Variants in SLC35F1 observed in about 807,000 individuals in gnomAD.
The protein encoded by SLC35F1 is solute carrier family 35 member F1.
Under a neutral mutation model 48.7 loss-of-function variants are expected in SLC35F1, and 14 were observed. The ratio of observed to expected loss-of-function variants is 0.29; its 90% CI spans 0.19 to 0.45. SLC35F1 has a LOEUF of 0.45. Ranked by LOEUF, SLC35F1 falls within the 20% of genes least tolerant of loss-of-function variation. The probability of loss-of-function intolerance (pLI) is 1.00; values close to 1 mark genes in which losing one functional copy is unlikely to be tolerated. For synonymous variants in SLC35F1, 190 were observed against 202.2 expected (o/e 0.94, Z 0.51); for missense variants, 404 against 500.0 (o/e 0.81, Z 1.83).
chr6:118,278,874 C>T (rs1275459633), intron 6 of SLC35F1, among the ~76,000 whole-genome samples: 1 of 152,206 alleles, frequency 6.6e-6, no homozygotes, highest in Non-Finnish European at 1.5e-5. Flanking sequence ...TGTCCTCAAA[C>T]TATGTGGATG....
intron 2 of SLC35F1, among the ~76,000 whole-genome samples, chr6:118,177,731 T>C (rs1185537197): frequency 6.6e-6 from 1 of 152,176 alleles, no homozygotes; most frequent in African/African-American, 2.4e-5. Flanking sequence ...AATTTTCCTC[T>C]GTTATAGTTC....
At chr6:117,914,852 C>T (rs1163828255) in intron 1 of SLC35F1, among the ~76,000 whole-genome samples, 1 of 151,908 alleles carries the variant, frequency 6.6e-6, no homozygotes, top group Admixed American at 6.5e-5. Context: ...ATTCAAGAAG[C>T]AGACCTTTTT....
chr6:118,044,792 G>T (rs968754579), intron 1 of SLC35F1, among the ~76,000 whole-genome samples: 1 of 152,006 alleles, frequency 6.6e-6, no homozygotes, highest in African/African-American at 2.4e-5. Context: ...TGTCCTCTTG[G>T]ATCCAACTGA....
intron 1 of SLC35F1, among the ~76,000 whole-genome samples, chr6:117,935,160 G>A (rs1776149000): frequency 6.6e-6 from 1 of 152,066 alleles, no homozygotes. Context: ...AATAACTTAT[G>A]CACAAATTCT....
At chr6:118,004,869 G>A (rs962758774) in intron 1 of SLC35F1, among the ~76,000 whole-genome samples, 4 of 151,676 alleles carry the variant, frequency 2.6e-5, no homozygotes, top group African/African-American at 9.7e-5. Context: ...TACTTATTGA[G>A]TGTCTGTTAG....
chr6:118,268,749 A>T (rs377423861), intron 4 of SLC35F1, among the ~76,000 whole-genome samples: 1 of 151,418 alleles, frequency 6.6e-6, no homozygotes, highest in South Asian at 2.1e-4. Context: ...AGCTGGGATT[A>T]CAGGCACCTG....
At chr6:118,272,979 C>T (rs1357558520) in intron 4 of SLC35F1, among the ~76,000 whole-genome samples, 3 of 148,594 alleles carry the variant, frequency 2.0e-5, no homozygotes, top group African/African-American at 7.7e-5. Flanking sequence ...GTTTAATTAA[C>T]TAAATTTTAA....
At chr6:117,926,652 G>T (rs887037491) in intron 1 of SLC35F1, among the ~76,000 whole-genome samples, 15 of 152,118 alleles carry the variant, frequency 9.9e-5, no homozygotes, top group African/African-American at 3.6e-4. Context: ...AATGAAACAG[G>T]TTCAGATGGC....
At chr6:117,991,993 T>G (rs1384393724) in intron 1 of SLC35F1, among the ~76,000 whole-genome samples, 2 of 152,110 alleles carry the variant, frequency 1.3e-5, no homozygotes, top group Non-Finnish European at 2.9e-5. Flanking sequence ...TTCTCTGTTT[T>G]TCTTTGCCTT....
chr6:117,982,114 T>C (rs1225027221), intron 1 of SLC35F1, among the ~76,000 whole-genome samples: 3 of 152,246 alleles, frequency 2.0e-5, no homozygotes, highest in African/African-American at 7.2e-5. Flanking sequence ...GTCAAACTTA[T>C]ATTTAAAATA....
intron 7 of SLC35F1, among the ~76,000 whole-genome samples, chr6:118,302,388 T>G (rs1470389524): frequency 6.6e-6 from 1 of 152,170 alleles, no homozygotes; most frequent in East Asian, 1.9e-4. Context: ...GAAGTAACAA[T>G]AATATTATCA....
chr6:118,060,896 G>T (rs560794184), intron 1 of SLC35F1, among the ~76,000 whole-genome samples: 1 of 152,302 alleles, frequency 6.6e-6, no homozygotes, highest in South Asian at 2.1e-4. Context: ...GTAGATCCAG[G>T]AGTAAAGCCA....
rs537083421 is a variant in SLC35F1, at chr6:117,939,812, T to C, written c.173+31913T>C. Among the ~76,000 whole-genome samples, 3 of 152,170 alleles carry C rather than the reference T, an allele frequency of 2.0e-5. No individual in the cohort carries two copies. The South Asian group carries it at 6.2e-4, about 32-fold the overall frequency. ...CTCCTTTTAAATTAGCCCAGAGAGG[T>C]AGGACCAAGCAAGTGGAGTGGGGAC... On this transcript the variant is annotated intron_variant, in intron 1 of 7. Coordinates refer to ENST00000360388, the MANE Select transcript of SLC35F1 (RefSeq NM_001029858.4).
intron 1 of SLC35F1, among the ~76,000 whole-genome samples, chr6:118,115,997 G>A (rs907677024): frequency 1.3e-5 from 2 of 152,182 alleles, no homozygotes; most frequent in African/African-American, 4.8e-5. Flanking sequence ...TCTGTTCGAA[G>A]TCCATGGAAA....
chr6:117,944,563 C>G (rs902811811), intron 1 of SLC35F1, among the ~76,000 whole-genome samples: 3 of 145,426 alleles, frequency 2.1e-5, no homozygotes, highest in Non-Finnish European at 4.5e-5. Context: ...TTTTTGAGAT[C>G]CCCCTCTCCC....
rs148604878 is a variant in SLC35F1, at chr6:118,233,515, A to G, written c.350-1994A>G. Among the ~76,000 whole-genome samples the G allele has an allele frequency of 5.1e-3, 783 of 152,332 alleles. 12 individuals carry two copies. The highest frequency in any genetic ancestry group is 0.018 in the African/African-American group (736 of 41,582). On this transcript the variant is annotated intron_variant, in intron 2 of 7. Transcript: ENST00000360388. ...TCATATTCTAGCACTGGCTCTTGAC[A>G]TATTCAGACAGTATTTCACTTTTTT...
chr6:118,208,074 C>T (rs1484591897), intron 2 of SLC35F1, among the ~76,000 whole-genome samples: 1 of 150,880 alleles, frequency 6.6e-6, no homozygotes, highest in Non-Finnish European at 1.5e-5. Context: ...CTCTCTCTCT[C>T]ACACACACAC....
intron 1 of SLC35F1, among the ~76,000 whole-genome samples, chr6:117,955,391 G>T (rs1776415950): frequency 2.6e-5 from 4 of 152,178 alleles, no homozygotes; most frequent in Admixed American, 2.6e-4. Context: ...GTGGTCTTGA[G>T]AAATGGATTC....
chr6:117,972,861 G>A (rs533918362), intron 1 of SLC35F1, among the ~76,000 whole-genome samples: 1 of 152,182 alleles, frequency 6.6e-6, no homozygotes, highest in East Asian at 1.9e-4. Flanking sequence ...TAAAATTAGG[G>A]ATACTTCTGT....
Sources: allele counts gnomAD v4.1 joint callset (sites outside exome capture counted in the v4.1 genomes callset), GRCh38; gene constraint gnomAD v4.1.1; transcripts MANE v1.5; gene names NCBI Gene and HGNC (gene_info 2026-07-23, HGNC 2026-07-21).